The following SASH1 variants were observed in gnomAD, a reference collection of about 807,000 sequenced individuals.
The protein encoded by SASH1 is SAM and SH3 domain-containing protein 1.
A neutral mutation model predicts 125.2 loss-of-function variants in SASH1; 44 were observed. The observed-to-expected ratio is 0.35, with a 90% confidence interval of 0.28 to 0.45. The LOEUF is 0.45. SASH1 is among the 20% of genes least tolerant of loss of function. The probability of loss-of-function intolerance (pLI) is 1.00; values close to 1 mark genes in which losing one functional copy is unlikely to be tolerated. For synonymous variants in SASH1, 639 were observed against 649.1 expected (o/e 0.98, Z 0.24); for missense variants, 1,426 against 1,614.5 (o/e 0.88, Z 2.00).
At chr6:148,379,726 C>G (rs1357975767) in intron 1 of SASH1, among the ~76,000 whole-genome samples, 2 of 152,174 alleles carry the variant, frequency 1.3e-5, no homozygotes, top group Admixed American at 6.5e-5. Flanking sequence ...GAATAAGATC[C>G]ATTCCCAGTT....
At chr6:148,334,064 C>T (rs1007243675) in intron 1 of SASH1, among the ~76,000 whole-genome samples, 55 of 150,850 alleles carry the variant, frequency 3.6e-4, no homozygotes, top group African/African-American at 1.3e-3. Flanking sequence ...CCTCGTGATC[C>T]GCCTGCCTCG....
At chr6:148,318,721 T>G (rs192442414) in intron 1 of SASH1, among the ~76,000 whole-genome samples, 1 of 151,628 alleles carries the variant, frequency 6.6e-6, no homozygotes, top group Admixed American at 6.6e-5. Flanking sequence ...CTCAGCTAAT[T>G]TTTATACTTT....
At chr6:148,264,453 A>G in the SASH1 span, among the ~76,000 whole-genome samples, 1 of 152,234 alleles carries the variant, frequency 6.6e-6, no homozygotes, top group African/African-American at 2.4e-5. Context: ...CACCACAAGA[A>G]TTACATGAAG....
chr6:148,388,813 A>G (rs1345831779), intron 1 of SASH1, among the ~76,000 whole-genome samples: 1 of 152,240 alleles, frequency 6.6e-6, no homozygotes, highest in East Asian at 1.9e-4. Flanking sequence ...GCAGTGCACC[A>G]ACATTAAATA....
intron 8 of SASH1, among the ~76,000 whole-genome samples, chr6:148,504,705 T>TTATGGGTAGTCTAC (rs35465432): frequency 5.3e-5 from 8 of 151,856 alleles, no homozygotes; most frequent in African/African-American, 1.7e-4. Context: ...GCACCAGTAT[T>TTATGGGTAGTCTAC]TATGGGTGGG....
chr6:148,214,460 C>T, the SASH1 span, among the ~76,000 whole-genome samples: 1 of 152,154 alleles, frequency 6.6e-6, no homozygotes, highest in Non-Finnish European at 1.5e-5. Context: ...CTCTATACTT[C>T]ATTCTCTGAC....
chr6:148,295,168 T>G (rs1201395726), intron 1 of SASH1, among the ~76,000 whole-genome samples: 1 of 152,114 alleles, frequency 6.6e-6, no homozygotes, highest in South Asian at 2.1e-4. Context: ...GATAATGAAG[T>G]AAACGAGTAC....
chr6:148,399,214 C>CTTTTTTTTTTTTTTTTT lies in SASH1; in HGVS notation c.285+8962_285+8978dup, dbSNP rs371374910. Among the ~76,000 whole-genome samples the CTTTTTTTTTTTTTTTTT allele has an allele frequency of 4.7e-4, 50 of 106,664 alleles. 2 individuals carry two copies. The highest frequency in any genetic ancestry group is 6.9e-4 in the Non-Finnish European group (37 of 53,320). 70.0% of individuals were successfully genotyped at this position (106,664 alleles called of 152,430 possible). On this transcript the variant is annotated intron_variant, in intron 2 of 19. Transcript: ENST00000367467. ...AAATGTGCATCAACAATTTCAGCTT[C>CTTTTTTTTTTTTTTTTT]TTTTTTTTTTTTTTTTTTTTTTTTT...
intron 1 of SASH1, among the ~76,000 whole-genome samples, chr6:148,366,848 G>C (rs1283685162): frequency 6.6e-6 from 1 of 151,860 alleles, no homozygotes; most frequent in Non-Finnish European, 1.5e-5. Flanking sequence ...CTGCCCGTCT[G>C]CCTCCCAAAG....
At chr6:148,352,183 A>G (rs1299163095) in intron 1 of SASH1, among the ~76,000 whole-genome samples, 1 of 152,138 alleles carries the variant, frequency 6.6e-6, no homozygotes, top group Non-Finnish European at 1.5e-5. Flanking sequence ...TGTGGCTTTA[A>G]CCCTTACCGG....
chr6:148,202,985 A>C, the SASH1 span, among the ~76,000 whole-genome samples: 1 of 152,186 alleles, frequency 6.6e-6, no homozygotes, highest in African/African-American at 2.4e-5. Context: ...CAGAAAAGAA[A>C]GAATATAGAA....
chr6:148,283,039 T>G (rs1779385923), intron 1 of SASH1, among the ~76,000 whole-genome samples: 1 of 152,194 alleles, frequency 6.6e-6, no homozygotes, highest in South Asian at 2.1e-4. Flanking sequence ...CCAAGCCAAC[T>G]GCTTCCCAAT....
the SASH1 span, among the ~76,000 whole-genome samples, chr6:148,240,689 C>T: frequency 2.1e-4 from 32 of 152,244 alleles, no homozygotes; most frequent in Middle Eastern, 3.4e-3. Context: ...CGGGCCAAGA[C>T]GACTCACAGT....
the SASH1 span, among the ~76,000 whole-genome samples, chr6:148,202,004 C>T: frequency 0.13 from 18,988 of 151,838 alleles, 1,537 homozygotes; most frequent in East Asian, 0.24. Context: ...TCACCCGGTC[C>T]ATATTATCTC....
intron 10 of SASH1, chr6:148,524,610 T>C (rs1781025439): frequency 6.6e-6 from 1 of 152,232 alleles, no homozygotes; most frequent in Non-Finnish European, 1.5e-5. Flanking sequence ...ACCGTTTTCT[T>C]TCTGGGCAAA....
At chr6:148,308,272 C>T (rs191983283) in intron 1 of SASH1, among the ~76,000 whole-genome samples, 12 of 139,880 alleles carry the variant, frequency 8.6e-5, no homozygotes, top group East Asian at 4.0e-4. Flanking sequence ...GATATTAAAT[C>T]CGCCCCCCCC....
At chr6:148,404,820 C>T (rs938238589) in intron 2 of SASH1, among the ~76,000 whole-genome samples, 1 of 148,754 alleles carries the variant, frequency 6.7e-6, no homozygotes, top group African/African-American at 2.5e-5. Flanking sequence ...CCCCCAGCCC[C>T]AGCCCAGGCT....
At chr6:148,524,078 A>G (rs1378718055) in intron 10 of SASH1, among the ~76,000 whole-genome samples, 3 of 143,838 alleles carry the variant, frequency 2.1e-5, no homozygotes, top group African/African-American at 7.6e-5. Flanking sequence ...GGATGTTTCT[A>G]CTTTATCAAT....
intron 1 of SASH1, among the ~76,000 whole-genome samples, chr6:148,335,762 C>T (rs538783537): frequency 1.4e-4 from 22 of 152,112 alleles, no homozygotes; most frequent in Non-Finnish European, 2.8e-4. Context: ...GCTGTTAATA[C>T]CTTTACTATG....
Sources: allele counts gnomAD v4.1 joint callset (sites outside exome capture counted in the v4.1 genomes callset), GRCh38; gene constraint gnomAD v4.1.1; transcripts MANE v1.5; gene names NCBI Gene and HGNC (gene_info 2026-07-23, HGNC 2026-07-21).